Variants in FBN1 observed in about 807,000 individuals in gnomAD.
The protein encoded by FBN1 is fibrillin-1.
In FBN1, 29 loss-of-function variants were observed where a neutral mutation model predicts 365.1. That is an observed-to-expected ratio of 0.08 (90% CI 0.06 to 0.11). The LOEUF is 0.11. Ranked by LOEUF, FBN1 falls within the 10% of genes least tolerant of loss-of-function variation. The pLI, the probability that FBN1 is intolerant of heterozygous loss-of-function variation, is 1.00. For missense variants in FBN1, 2,476 were observed against 3,703.2 expected (o/e 0.67, Z 8.60); for synonymous variants, 1,210 against 1,270.5 (o/e 0.95, Z 1.01).
At chr15:48,529,517 C>T (rs1233498734) in intron 8 of FBN1, 1 of 152,276 alleles carries the variant, frequency 6.6e-6, no homozygotes, top group African/African-American at 2.4e-5. Flanking sequence ...GGACAGGCAT[C>T]ACCATCTATT....
Position 48,437,062 on chromosome 15 carries a change from T to G in FBN1, c.6395A>C (p.Lys2132Thr). ...TCCATGTTTACAGACATCGGGTTCT[T>G]TGCATTCGTCCATATCTTAAGCAAG... ...DDSAVDMDECKEPDVCKHGQC... is the reference protein window; with the variant it reads ...DDSAVDMDECTEPDVCKHGQC... The change falls in exon 53 of 66, where the codon AAA becomes ACA. Residue 2132 changes from lysine to threonine, a missense_variant. Lys to Thr is a moderately conservative substitution (Grantham distance 78, BLOSUM62 -1). Around this residue, in one of 5 missense-constraint regions of FBN1, gnomAD observed 1,780 missense variants for 2,840.8 expected, o/e 0.63. Coordinates refer to ENST00000316623, the MANE Select transcript of FBN1 (RefSeq NM_000138.5). 1 of 1,611,998 alleles carries G rather than the reference T, an allele frequency of 6.2e-7. No homozygotes were observed. Among genetic ancestry groups the G allele is most frequent in the Non-Finnish European group, 8.5e-7 (1 of 1,178,224 alleles).
intron 9 of FBN1, among the ~76,000 whole-genome samples, chr15:48,525,090 A>ATT (rs35424714): frequency 7.0e-6 from 1 of 143,810 alleles, no homozygotes; most frequent in Non-Finnish European, 1.5e-5. Flanking sequence ...TGTCAAATCT[A>ATT]TTTTTTTTTT....
intron 6 of FBN1, among the ~76,000 whole-genome samples, chr15:48,582,421 T>A (rs980195848): frequency 6.6e-6 from 1 of 152,220 alleles, no homozygotes; most frequent in Non-Finnish European, 1.5e-5. Flanking sequence ...GCTGTTTAAT[T>A]TTCAAGACCT....
At chr15:48,643,281 G>A (rs990498162) in intron 2 of FBN1, 2 of 152,200 alleles carry the variant, frequency 1.3e-5, no homozygotes, top group Admixed American at 1.3e-4. Flanking sequence ...TCAAGGTCAG[G>A]TTTACCATGA....
intron 51 of FBN1, 137 bp downstream of exon 51, chr15:48,437,631 A>G: frequency 2.9e-6 from 3 of 1,040,126 alleles, no homozygotes; most frequent in Non-Finnish European, 2.8e-6. Context: ...GAGATAAAAT[A>G]ATTTTTAATG....
At position 48,415,787 on chromosome 15, in the gene FBN1, C is replaced by G. The variant is rs757956942; in HGVS notation, c.7820-20G>C. 3.8e-6 allele frequency: 6 copies of G among 1,593,174 alleles called. No individual in the cohort carries two copies. Among genetic ancestry groups the G allele is most frequent in the Non-Finnish European group, 1.7e-6 (2 of 1,161,146 alleles). On this transcript the variant is annotated intron_variant, in intron 63 of 65. Coordinates refer to ENST00000316623, the MANE Select transcript of FBN1 (RefSeq NM_000138.5). Reference sequence around the variant, plus strand: ...TTTCATCTGCAGGCAAAATAAGAAGCGGCATGTGTGGCAGCAGCCAGAGAT... The same window carrying G: ...TTTCATCTGCAGGCAAAATAAGAAGGGGCATGTGTGGCAGCAGCCAGAGAT...
intron 51 of FBN1, 183 bp from the exon 52 acceptor site, chr15:48,437,570 G>A: frequency 1.3e-6 from 1 of 788,822 alleles, no homozygotes; most frequent in Non-Finnish European, 2.1e-6. Context: ...CTACTCCTTG[G>A]GCATCTGTGA....
intron 6 of FBN1, among the ~76,000 whole-genome samples, chr15:48,551,090 T>A (rs1176645719): frequency 6.6e-6 from 1 of 152,228 alleles, no homozygotes; most frequent in Admixed American, 6.5e-5. Flanking sequence ...TACTTATAAT[T>A]CCGTGAATCT....
At chr15:48,609,127 C>T (rs772463201) in intron 4 of FBN1, among the ~76,000 whole-genome samples, 6 of 152,188 alleles carry the variant, frequency 3.9e-5, no homozygotes, top group African/African-American at 9.7e-5. Flanking sequence ...GGAGATGTCC[C>T]GCATGTTCCC....
At chr15:48,441,000 TCCCTTC>T (rs937303525) in intron 50 of FBN1, among the ~76,000 whole-genome samples, 1 of 151,994 alleles carries the variant, frequency 6.6e-6, no homozygotes, top group Non-Finnish European at 1.5e-5. Flanking sequence ...TTGTTTCATC[TCCCTTC>T]CCCGGAATTC....
intron 64 of FBN1, among the ~76,000 whole-genome samples, chr15:48,413,987 G>A (rs1356936232): frequency 6.6e-6 from 1 of 152,172 alleles, no homozygotes; most frequent in African/African-American, 2.4e-5. Flanking sequence ...CATCCTGTGG[G>A]TGTGTGCGCA....
At chr15:48,627,098 G>C (rs922167827) in intron 2 of FBN1, among the ~76,000 whole-genome samples, 1 of 152,152 alleles carries the variant, frequency 6.6e-6, no homozygotes, top group Non-Finnish European at 1.5e-5. Context: ...TTTTAGATTA[G>C]AGATTAGAAA....
chr15:48,536,432 C>A (rs2044014584), intron 7 of FBN1, among the ~76,000 whole-genome samples: 1 of 152,094 alleles, frequency 6.6e-6, no homozygotes, highest in Admixed American at 6.6e-5. Flanking sequence ...GCTCTCTGGT[C>A]ACTGTCAACA....
chr15:48,419,462 T>C (rs2042924422), intron 63 of FBN1, among the ~76,000 whole-genome samples: 1 of 152,210 alleles, frequency 6.6e-6, no homozygotes, highest in South Asian at 2.1e-4. Flanking sequence ...AAGTTCACTC[T>C]GGAAGTTCTG....
At chr15:48,522,065 T>C (rs1214274354) in intron 9 of FBN1, among the ~76,000 whole-genome samples, 3 of 152,164 alleles carry the variant, frequency 2.0e-5, no homozygotes, top group Non-Finnish European at 2.9e-5. Flanking sequence ...GTGAACCCTA[T>C]TGTGAACTGC....
At chr15:48,532,571 G>C (rs367822787) in intron 8 of FBN1, among the ~76,000 whole-genome samples, 2 of 151,798 alleles carry the variant, frequency 1.3e-5, no homozygotes, top group Non-Finnish European at 1.5e-5. Flanking sequence ...ATCTAGGAAA[G>C]AGGACAATGT....
chr15:48,539,748 C>A (rs2044042845), intron 6 of FBN1, among the ~76,000 whole-genome samples: 1 of 152,100 alleles, frequency 6.6e-6, no homozygotes, highest in African/African-American at 2.4e-5. Context: ...ATAGCCCCAC[C>A]CACCTTTCCA....
intron 55 of FBN1, 89 bp downstream of exon 55, chr15:48,432,777 G>T: frequency 6.6e-7 from 1 of 1,513,700 alleles, no homozygotes; most frequent in Non-Finnish European, 9.2e-7. Flanking sequence ...CCAATTCCCA[G>T]CCTTCTCCTA....
chr15:48,510,016 A>G (rs1211538104), intron 14 of FBN1, 28 bp downstream of exon 14: 3 of 1,611,554 alleles, frequency 1.9e-6, no homozygotes, highest in East Asian at 4.5e-5. Context: ...ATGGAAGGAG[A>G]GGACTAACAT....
Sources: allele counts gnomAD v4.1 joint callset (sites outside exome capture counted in the v4.1 genomes callset), GRCh38; gene constraint gnomAD v4.1.1; regional missense constraint gnomAD v4.1.1; transcripts MANE v1.5; gene names NCBI Gene and HGNC (gene_info 2026-07-23, HGNC 2026-07-21).